Variants in ENOX2 observed in about 807,000 individuals in gnomAD.
ENOX2 encodes APK1 antigen.
Under a neutral mutation model 45.0 loss-of-function variants are expected in ENOX2, and 36 were observed. That is an observed-to-expected ratio of 0.80 (90% CI 0.61 to 1.06). ENOX2 has a LOEUF of 1.06. Ranked by LOEUF, ENOX2 falls within the 50% of genes least tolerant of loss-of-function variation. The pLI, the probability that ENOX2 is intolerant of heterozygous loss-of-function variation, is 0.00. For synonymous variants in ENOX2, 174 were observed against 152.3 expected, an observed-to-expected ratio of 1.14 and a Z score of -1.05; for missense variants, 423 against 462.5, an observed-to-expected ratio of 0.91 and a Z score of 0.78.
intron 6 of ENOX2, among the ~76,000 whole-genome samples, chrX:130,675,141 G>A (rs2037110151): frequency 9.1e-6 from 1 of 110,097 alleles, no homozygotes; most frequent in African/African-American, 3.3e-5. Flanking sequence ...CCCAGTAATG[G>A]GATGGCTGGG....
chrX:130,858,426 G>C (rs1272061058), intron 2 of ENOX2, among the ~76,000 whole-genome samples: 1 of 110,977 alleles, frequency 9.0e-6, no homozygotes, highest in African/African-American at 3.3e-5. Context: ...CCAATCATGG[G>C]CATTTTTACA....
At chrX:130,689,475 T>C (rs1284334197) in intron 4 of ENOX2, among the ~76,000 whole-genome samples, 2 of 112,283 alleles carry the variant, frequency 1.8e-5, no homozygotes, top group African/African-American at 6.5e-5. Flanking sequence ...AACTTCCATT[T>C]CCTCATCTGC....
At chrX:130,897,018 G>C (rs1186309185) in intron 2 of ENOX2, among the ~76,000 whole-genome samples, 1 of 111,930 alleles carries the variant, frequency 8.9e-6, no homozygotes, top group Admixed American at 9.4e-5. Flanking sequence ...ATTCAACCAA[G>C]GTCTTCCCTG....
intron 2 of ENOX2, among the ~76,000 whole-genome samples, chrX:130,809,161 C>T (rs2077353347): frequency 1.8e-5 from 2 of 112,199 alleles, no homozygotes; most frequent in African/African-American, 6.5e-5. Flanking sequence ...AGACATACTG[C>T]TTTACTTACC....
At chrX:130,632,414 CAGTCAAA>C in intron 12 of ENOX2, among the ~76,000 whole-genome samples, 1 of 98,802 alleles carries the variant, frequency 1.0e-5, no homozygotes, top group African/African-American at 3.6e-5. Flanking sequence ...CCATGACCAG[CAGTCAAA>C]CTGAAAAATA....
intron 3 of ENOX2, among the ~76,000 whole-genome samples, chrX:130,716,831 C>T (rs2038343338): frequency 8.9e-6 from 1 of 112,452 alleles, no homozygotes; most frequent in African/African-American, 3.2e-5. Flanking sequence ...ATAGCAAACA[C>T]ATGTGAGTTA....
intron 4 of ENOX2, among the ~76,000 whole-genome samples, chrX:130,697,146 C>T (rs987763172): frequency 9.0e-6 from 1 of 111,449 alleles, no homozygotes; most frequent in African/African-American, 3.3e-5. Context: ...GCATACCTTC[C>T]AATCATTGAT....
chrX:130,864,726 T>A, intron 2 of ENOX2, among the ~76,000 whole-genome samples: 1 of 112,178 alleles, frequency 8.9e-6, no homozygotes, highest in Non-Finnish European at 1.9e-5. Context: ...TTGGACATAA[T>A]CTTTTGGCTG....
intron 10 of ENOX2, among the ~76,000 whole-genome samples, chrX:130,655,635 TTTTG>T (rs1198933461): frequency 1.8e-5 from 2 of 112,003 alleles, no homozygotes; most frequent in East Asian, 2.8e-4. Context: ...TTAGATGTTT[TTTTG>T]TTTGTTTGTT....
intron 2 of ENOX2, among the ~76,000 whole-genome samples, chrX:130,867,846 T>C (rs1291364117): frequency 8.9e-6 from 1 of 111,822 alleles, no homozygotes; most frequent in Non-Finnish European, 1.9e-5. Flanking sequence ...AAGCTGCTAG[T>C]TCAGTTTGCA....
intron 10 of ENOX2, 61 bp downstream of exon 10, chrX:130,656,520 T>A (rs2036550315): frequency 2.7e-6 from 2 of 740,676 alleles, no homozygotes; most frequent in Admixed American, 5.1e-5. Context: ...TATTAAAAGT[T>A]TGAAAATATC....
In ENOX2 at chrX:130,710,824, G is replaced by T. The variant is rs191588878; in HGVS notation, c.-38-7570C>A. Among the ~76,000 whole-genome samples the T allele has an allele frequency of 2.7e-5, 3 of 111,743 alleles. No individual in the cohort carries two copies. The East Asian group carries it at 8.5e-4, about 31-fold the overall frequency. ...AAGAATCTATTAACGCTTTCAGCAT[G>T]GTTACTTCTATGCTTCACATCAAAG... On this transcript the variant is annotated intron_variant, in intron 3 of 14. Transcript: ENST00000394363.
intron 5 of ENOX2, among the ~76,000 whole-genome samples, chrX:130,682,783 A>G (rs1459314236): frequency 9.1e-6 from 1 of 110,082 alleles, no homozygotes; most frequent in Non-Finnish European, 1.9e-5. Flanking sequence ...GCATTTGCTG[A>G]GATTTAGGGG....
chrX:130,857,888 T>G (rs922194620), intron 2 of ENOX2, among the ~76,000 whole-genome samples: 1 of 111,672 alleles, frequency 9.0e-6, no homozygotes, highest in African/African-American at 3.3e-5. Flanking sequence ...AATATAGAAT[T>G]TTTTTAATTA....
At chrX:130,627,173 C>T (rs1486551174) in intron 14 of ENOX2, among the ~76,000 whole-genome samples, 1 of 111,297 alleles carries the variant, frequency 9.0e-6, no homozygotes, top group Non-Finnish European at 1.9e-5. Context: ...TTTTTGGCAC[C>T]TGCCTCCCTT....
At chrX:130,855,873 A>G (rs1440938512) in intron 2 of ENOX2, among the ~76,000 whole-genome samples, 9 of 112,147 alleles carry the variant, frequency 8.0e-5, no homozygotes, top group Non-Finnish European at 1.7e-4. Context: ...TCAGAACTGA[A>G]CAGTAAAAAT....
chrX:130,726,530 A>C (rs2038610154), intron 3 of ENOX2, among the ~76,000 whole-genome samples: 2 of 112,715 alleles, frequency 1.8e-5, no homozygotes, highest in South Asian at 7.3e-4. Context: ...AGATGAGCCA[A>C]ACATATATAC....
intron 2 of ENOX2, among the ~76,000 whole-genome samples, chrX:130,882,423 A>C (rs1320587584): frequency 9.0e-6 from 1 of 110,720 alleles, no homozygotes; most frequent in African/African-American, 3.3e-5. Flanking sequence ...ACATTCTAAC[A>C]GTTAGGCATA....
chrX:130,678,876 T>C (rs1343759891), intron 6 of ENOX2, among the ~76,000 whole-genome samples: 1 of 111,771 alleles, frequency 8.9e-6, no homozygotes, highest in African/African-American at 3.3e-5. Context: ...CTTCCATAAC[T>C]ATTTATGAGT....
Sources: gnomAD v4.1 joint callset for allele counts (sites outside exome capture counted in the v4.1 genomes callset) on GRCh38, gnomAD v4.1.1 for gene constraint, MANE v1.5 for transcripts, NCBI Gene and HGNC (gene_info 2026-07-23, HGNC 2026-07-21) for gene names.